The following HAO2 variants were observed in gnomAD, a reference collection of about 807,000 sequenced individuals.
The protein encoded by HAO2 is 2-Hydroxyacid oxidase 2.
Under a neutral mutation model 37.4 loss-of-function variants are expected in HAO2, and 42 were observed. That is an observed-to-expected ratio of 1.12 (90% CI 0.88 to 1.45). The LOEUF is 1.45. Ranked by LOEUF, HAO2 falls within the 40% of genes most tolerant of loss-of-function variation. The pLI is 0.00. For synonymous variants in HAO2, 180 were observed against 162.8 expected (o/e 1.11, Z -0.81); for missense variants, 476 against 430.2 (o/e 1.11, Z -0.94).
In HAO2 at chr1:119,385,961, A is replaced by T. The variant is rs1650349573; in HGVS notation, c.562-661A>T. ...ATCCTGGGTATGCCTCAACCGTAACATATCACATTGACCAATAAATGCTTT... is the reference window on the plus strand; with the variant it reads ...ATCCTGGGTATGCCTCAACCGTAACTTATCACATTGACCAATAAATGCTTT... On this transcript the variant is annotated intron_variant, in intron 4 of 7. Transcript: ENST00000325945. 4 of 852,450 alleles carry T rather than the reference A, an allele frequency of 4.7e-6. No homozygotes were observed. In the South Asian group the frequency reaches 1.6e-4, roughly 34 times the overall value. 52.8% of individuals were successfully genotyped at this position (852,450 alleles called of 1,614,324 possible).
At chr1:119,380,510 A>G in intron 1 of HAO2, 1 of 592,936 alleles carries the variant, frequency 1.7e-6, no homozygotes, top group East Asian at 2.9e-5. Context: ...ACAGCTCCAG[A>G]CAATTCAAAC....
At chr1:119,369,128 T>C (rs1648748816) in intron 1 of HAO2, 1 of 152,154 alleles carries the variant, frequency 6.6e-6, no homozygotes, top group Non-Finnish European at 1.5e-5. Flanking sequence ...TCTAGGAAGT[T>C]GAGTCTTAGA....
At chr1:119,379,985 T>A (rs1649785689) in intron 1 of HAO2, among the ~76,000 whole-genome samples, 1 of 152,186 alleles carries the variant, frequency 6.6e-6, no homozygotes. Flanking sequence ...GAAGCCCTAG[T>A]TACTGCGGCC....
At chr1:119,389,169 C>CACGTATATAT (rs1557855928) in intron 5 of HAO2, among the ~76,000 whole-genome samples, 1 of 14,546 alleles carries the variant, frequency 6.9e-5, no homozygotes, top group Non-Finnish European at 1.9e-4. Context: ...TATATATATA[C>CACGTATATAT]ACCACAGTTT....
At chr1:119,375,696 A>G (rs2101182031) in intron 1 of HAO2, among the ~76,000 whole-genome samples, 1 of 152,216 alleles carries the variant, frequency 6.6e-6, no homozygotes, top group East Asian at 1.9e-4. Context: ...ATGGACTCCC[A>G]GTTCCACATA....
At chr1:119,380,773 G>C in intron 1 of HAO2, 1 of 1,211,334 alleles carries the variant, frequency 8.3e-7, no homozygotes, top group Non-Finnish European at 1.2e-6. Context: ...AAGAAGTGGT[G>C]GGGCCTCAAC....
At chr1:119,386,085 C>T (rs1399837780) in intron 4 of HAO2, 1 of 156,128 alleles carries the variant, frequency 6.4e-6, no homozygotes, top group Non-Finnish European at 1.4e-5. Context: ...TTACTGACAA[C>T]AACATGATTC....
chr1:119,381,914 T>G (rs899105730), intron 2 of HAO2, among the ~76,000 whole-genome samples: 2 of 152,218 alleles, frequency 1.3e-5, no homozygotes, highest in Non-Finnish European at 2.9e-5. Flanking sequence ...CATTTACTAT[T>G]GTTTATGGCT....
At chr1:119,386,436 G>T (rs1435791364) in intron 4 of HAO2, among the ~76,000 whole-genome samples, 186 bp from the exon 5 acceptor site, 1 of 152,028 alleles carries the variant, frequency 6.6e-6, no homozygotes, top group Non-Finnish European at 1.5e-5. Flanking sequence ...AAACTACTAG[G>T]CTCAAAAGAT....
intron 5 of HAO2, among the ~76,000 whole-genome samples, chr1:119,391,658 A>T (rs1325464135): frequency 6.6e-6 from 1 of 152,206 alleles, no homozygotes; most frequent in Non-Finnish European, 1.5e-5. Flanking sequence ...CAATCCAGAC[A>T]TGCAGGCCAT....
intron 1 of HAO2, among the ~76,000 whole-genome samples, chr1:119,371,739 G>T (rs1003446530): frequency 6.6e-6 from 1 of 152,200 alleles, no homozygotes; most frequent in Non-Finnish European, 1.5e-5. Context: ...AAACAGTCAT[G>T]CATGTAAAGC....
At chr1:119,379,705 G>A (rs1225417522) in intron 1 of HAO2, among the ~76,000 whole-genome samples, 7 of 152,042 alleles carry the variant, frequency 4.6e-5, no homozygotes, top group Admixed American at 1.3e-4. Context: ...ATTACTCCTC[G>A]TAGCCTCCAT....
At chr1:119,380,542 C>A in intron 1 of HAO2, 1 of 618,868 alleles carries the variant, frequency 1.6e-6, no homozygotes, top group African/African-American at 1.9e-5. Context: ...TGGGAACTAC[C>A]AGATAGTAGC....
At chr1:119,392,508 T>A in intron 6 of HAO2, 110 bp from the exon 7 acceptor site, 1 of 819,024 alleles carries the variant, frequency 1.2e-6, no homozygotes. Context: ...TCACAGATAA[T>A]CCCCATCTTT....
chr1:119,376,106 T>C (rs1273141035), intron 1 of HAO2, among the ~76,000 whole-genome samples: 1 of 152,212 alleles, frequency 6.6e-6, no homozygotes, highest in East Asian at 1.9e-4. Context: ...AAGTCTCATC[T>C]GAGACAAGGC....
chr1:119,379,049 T>C (rs1649705231), intron 1 of HAO2, among the ~76,000 whole-genome samples: 1 of 152,102 alleles, frequency 6.6e-6, no homozygotes, highest in African/African-American at 2.4e-5. Flanking sequence ...AAGGGAAAAA[T>C]GGCTCTGGCA....
rs1174228020 is a variant in HAO2, at chr1:119,390,297, G to A, written c.772-1813G>A. On this transcript the variant is annotated intron_variant, in intron 5 of 7. Transcript: ENST00000325945. The stretch of plus-strand genomic sequence containing the variant: ...TTGTAGTTTCACTCTTGTCACCCAC[G>A]CTGGAGGGCAATGGCGCAGTCTCAG... 2.6e-5 allele frequency among the ~76,000 whole-genome samples: 4 copies of A among 152,010 alleles called. No homozygotes were observed. In the East Asian group the frequency reaches 7.7e-4, roughly 29 times the overall value.
chr1:119,375,249 G>A (rs976136243), intron 1 of HAO2, among the ~76,000 whole-genome samples: 13 of 152,144 alleles, frequency 8.5e-5, no homozygotes, highest in African/African-American at 3.1e-4. Context: ...TTTAATTTCT[G>A]GTGGCTTCAA....
rs895327833 is a variant in HAO2 at position 119,383,115 on chromosome 1, T to G, written c.283+49T>G. On this transcript the variant is annotated intron_variant, in intron 3 of 7. Coordinates refer to ENST00000325945, the MANE Select transcript of HAO2 (RefSeq NM_016527.4). Reference sequence around the variant, plus strand: ...GCTCCTTTCCGGGAGGAGGTGTCCCTCAGAGCAGTGGCAGAGGCTCCAAGA... The same window carrying G: ...GCTCCTTTCCGGGAGGAGGTGTCCCGCAGAGCAGTGGCAGAGGCTCCAAGA... 4.9e-6 allele frequency: 7 copies of G among 1,427,490 alleles called. No individual in the cohort carries two copies. The East Asian group carries it at 1.7e-4, about 34-fold the overall frequency. 88.4% of individuals were successfully genotyped at this position (1,427,490 alleles called of 1,614,324 possible).
Sources: allele counts gnomAD v4.1 joint callset (sites outside exome capture counted in the v4.1 genomes callset), GRCh38; gene constraint gnomAD v4.1.1; transcripts MANE v1.5; gene names NCBI Gene and HGNC (gene_info 2026-07-23, HGNC 2026-07-21).